Variants in MRPL47 observed in about 807,000 individuals in gnomAD.
MRPL47 encodes mitochondrial ribosomal protein L47.
Under a neutral mutation model 34.0 loss-of-function variants are expected in MRPL47, and 31 were observed. That is an observed-to-expected ratio of 0.91 (90% CI 0.68 to 1.23). The LOEUF (loss-of-function observed/expected upper bound fraction) is 1.23. Ranked by LOEUF, MRPL47 falls within the 50% of genes most tolerant of loss-of-function variation. The pLI, the probability that MRPL47 is intolerant of heterozygous loss-of-function variation, is 0.00. For synonymous variants in MRPL47, 106 were observed against 101.6 expected (o/e 1.04, Z -0.26); for missense variants, 328 against 285.8 (o/e 1.15, Z -1.07).
intron 4 of MRPL47, among the ~76,000 whole-genome samples, chr3:179,596,682 T>C (rs1295538961): frequency 2.0e-5 from 3 of 152,216 alleles, no homozygotes; most frequent in South Asian, 4.1e-4. Flanking sequence ...GACAGGGTCT[T>C]GCTCGGTCAC....
chr3:179,593,737 T>C lies in MRPL47; in HGVS notation c.533+28A>G, dbSNP rs570082539. 3 of 1,592,132 alleles carry C rather than the reference T, an allele frequency of 1.9e-6. No individual in the cohort carries two copies. The East Asian group carries it at 6.8e-5, about 36-fold the overall frequency. Reference sequence around the variant, plus strand: ...GAGGCATGGATTTCCACTCTCATCTTAGAAGAGCCACAGTGTTAACTACAT... The same window carrying C: ...GAGGCATGGATTTCCACTCTCATCTCAGAAGAGCCACAGTGTTAACTACAT... On this transcript the variant is annotated intron_variant, in intron 5 of 6. Transcript: ENST00000476781.
chr3:179,589,011 C>G lies in MRPL47; in HGVS notation c.630-16G>C, dbSNP rs757445474. 3.9e-5 allele frequency: 62 copies of G among 1,586,066 alleles called. No individual in the cohort carries two copies. In the South Asian group the frequency reaches 6.0e-4, roughly 15 times the overall value. On this transcript the variant is annotated splice_polypyrimidine_tract_variant and intron_variant, in intron 6 of 6. Coordinates refer to ENST00000476781, the MANE Select transcript of MRPL47 (RefSeq NM_020409.3). ...ACGTTCCAGTCTAGAATAAAAAAAGCGTAACAGCAATTTATACAAAAATAT... is the reference window on the plus strand; with the variant it reads ...ACGTTCCAGTCTAGAATAAAAAAAGGGTAACAGCAATTTATACAAAAATAT...
At chr3:179,591,290 C>T (rs1156258558) in intron 6 of MRPL47, among the ~76,000 whole-genome samples, 1 of 152,220 alleles carries the variant, frequency 6.6e-6, no homozygotes, top group Non-Finnish European at 1.5e-5. Context: ...TGCCCTGTCT[C>T]TCTCTGGAGC....
At chr3:179,600,666 A>G (rs1231780384) in intron 3 of MRPL47, among the ~76,000 whole-genome samples, 2 of 152,056 alleles carry the variant, frequency 1.3e-5, no homozygotes, top group African/African-American at 4.8e-5. Context: ...AAAAAAAGCA[A>G]ATGTCTACTA....
At chr3:179,598,577 G>GAA in intron 4 of MRPL47, 98 bp downstream of exon 4, 2 of 804,850 alleles carry the variant, frequency 2.5e-6, no homozygotes, top group Non-Finnish European at 4.2e-6. Flanking sequence ...AAACGAATAA[G>GAA]AAAAAAAAAT....
chr3:179,593,840 A>G lies in MRPL47; in HGVS notation c.458T>C (p.Leu153Pro), dbSNP rs1233549353. 11 of 1,613,768 alleles carry G rather than the reference A, an allele frequency of 6.8e-6. No homozygotes were observed. Among genetic ancestry groups the G allele is most frequent in the Non-Finnish European group, 9.3e-6 (11 of 1,179,712 alleles). Residue 153 changes from leucine (L) to proline (P), a missense_variant, in exon 5 of 7, where the codon CTA (leucine) becomes CCA (proline). Transcript: ENST00000476781. ...TTCTTGACCAGTCTGAAGAAGCCTT[A>G]GGGCATCTTCTCTTTCCTGGACAAC... ...DKVVQEREDA[L>P]RLLQTGQERA...
In MRPL47 at chr3:179,589,127, T is replaced by C. The variant is rs941923452; in HGVS notation, c.630-132A>G. On this transcript the variant is annotated intron_variant, in intron 6 of 6. Coordinates refer to ENST00000476781, the MANE Select transcript of MRPL47 (RefSeq NM_020409.3). ...GTCCCTGTATTTGGTGTGTTATATA[T>C]ATTATTAAACTTGAATAGTAATCAC... 4 of 875,646 alleles carry C rather than the reference T, an allele frequency of 4.6e-6. No individual in the cohort carries two copies. In the African/African-American group the frequency reaches 5.1e-5, roughly 11 times the overall value. 54.2% of individuals were successfully genotyped at this position (875,646 alleles called of 1,614,324 possible).
chr3:179,588,963 G>A lies in MRPL47; in HGVS notation c.662C>T (p.Ala221Val). ...CTTTCTCTCTAAATTTTCCTTCCGT[G>A]CTTTGATGCGGGCTCGTTTCTCACG... Reference protein sequence around the residue: ...LEREKRARIKARKENLERKKA... With the variant: ...LEREKRARIKVRKENLERKKA... The change falls in exon 7 of 7, where the codon GCA (alanine) becomes GTA (valine). Residue 221 changes from alanine to valine, a missense_variant. Physicochemically the swap from Ala to Val is moderately conservative, Grantham distance 64. Transcript: ENST00000476781. The A allele has an allele frequency of 6.2e-7, 1 of 1,613,250 alleles. No individual in the cohort carries two copies. The highest frequency in any genetic ancestry group is 1.3e-5 in the African/African-American group (1 of 74,988).
rs558523576 is a variant in MRPL47 at position 179,604,603 on chromosome 3, G to T, written c.22C>A (p.Leu8Ile). 3.1e-6 allele frequency: 5 copies of T among 1,614,226 alleles called. No homozygotes were observed. Among genetic ancestry groups the T allele is most frequent in the Non-Finnish European group, 4.2e-6 (5 of 1,180,036 alleles). Residue 8 changes from leucine to isoleucine, a missense_variant, in exon 1 of 7, where the codon CTT (leucine) becomes ATT (isoleucine). Transcript: ENST00000476781. MAAAGLA[L>I]LCRRVSSALK... ...GCGGATGAAACTCTCCTACAAAGAAGGGCCAAACCGGCCGCAGCCATGTTT... is the reference window on the plus strand; with the variant it reads ...GCGGATGAAACTCTCCTACAAAGAATGGCCAAACCGGCCGCAGCCATGTTT...
At chr3:179,604,442 G>C in intron 1 of MRPL47, 85 bp downstream of exon 1, 1 of 1,357,550 alleles carries the variant, frequency 7.4e-7, no homozygotes, top group Non-Finnish European at 1.0e-6. Context: ...CCATTCTTGA[G>C]TTGTTCTCGG....
At chr3:179,595,487 C>G (rs959919824) in intron 4 of MRPL47, among the ~76,000 whole-genome samples, 11 of 152,190 alleles carry the variant, frequency 7.2e-5, no homozygotes, top group African/African-American at 2.7e-4. Flanking sequence ...ATGACTAAGA[C>G]AAATTCTATT....
At chr3:179,592,881 A>AT in intron 5 of MRPL47, 142 bp from the exon 6 acceptor site, 1 of 618,036 alleles carries the variant, frequency 1.6e-6, no homozygotes, top group Non-Finnish European at 2.8e-6. Flanking sequence ...TGCTTTGGCA[A>AT]TTTCTCTTTT....
chr3:179,601,517 G>C (rs903464465), intron 3 of MRPL47, among the ~76,000 whole-genome samples: 3 of 152,178 alleles, frequency 2.0e-5, no homozygotes, highest in African/African-American at 7.2e-5. Context: ...TAAAATTTCT[G>C]AATTCCCAAC....
At chr3:179,594,122 A>G (rs2108380302) in intron 4 of MRPL47, among the ~76,000 whole-genome samples, 1 of 152,366 alleles carries the variant, frequency 6.6e-6, no homozygotes, top group East Asian at 1.9e-4. Flanking sequence ...AACTACAAAT[A>G]TATTTCCATT....
At chr3:179,603,727 C>T (rs1001290658) in intron 1 of MRPL47, among the ~76,000 whole-genome samples, 29 of 151,952 alleles carry the variant, frequency 1.9e-4, no homozygotes, top group African/African-American at 6.8e-4. Flanking sequence ...TATGTAAATA[C>T]GCAGCTAAGA....
chr3:179,593,980 C>G, intron 4 of MRPL47, 85 bp from the exon 5 acceptor site: 2 of 1,277,996 alleles, frequency 1.6e-6, no homozygotes, highest in Middle Eastern at 2.5e-4. Context: ...ACTTCTGCTA[C>G]AGAAAACTTA....
intron 4 of MRPL47, among the ~76,000 whole-genome samples, chr3:179,598,143 T>C (rs1718830678): frequency 6.6e-6 from 1 of 151,984 alleles, no homozygotes; most frequent in Non-Finnish European, 1.5e-5. Context: ...GCAGGTAGGT[T>C]TGGGAAGCCA....
chr3:179,594,015 T>A (rs1040205640), intron 4 of MRPL47, 120 bp from the exon 5 acceptor site: 131 of 896,576 alleles, frequency 1.5e-4, no homozygotes, highest in Middle Eastern at 1.1e-3. Context: ...AAAGAACCAC[T>A]CTGTTAAGTA....
intron 6 of MRPL47, among the ~76,000 whole-genome samples, chr3:179,591,175 GTGC>G (rs1718665069): frequency 6.6e-6 from 1 of 152,174 alleles, no homozygotes; most frequent in South Asian, 2.1e-4. Flanking sequence ...TGTGGTTCTT[GTGC>G]TGCTATCGTG....
Sources: allele counts gnomAD v4.1 joint callset (sites outside exome capture counted in the v4.1 genomes callset), GRCh38; gene constraint gnomAD v4.1.1; transcripts MANE v1.5; gene names NCBI Gene and HGNC (gene_info 2026-07-23, HGNC 2026-07-21).